FGF12: variants seen among roughly 807,000 people sequenced by gnomAD.
FGF12 encodes the protein fibroblast growth factor 12B.
Under a neutral mutation model 23.6 loss-of-function variants are expected in FGF12, and 14 were observed. The observed-to-expected ratio is 0.59, with a 90% confidence interval of 0.39 to 0.93. FGF12 has a LOEUF of 0.93. FGF12 is among the 40% of genes least tolerant of loss of function. The pLI is 0.00. For synonymous variants in FGF12, 62 were observed against 77.3 expected (o/e 0.80, Z 1.04); for missense variants, 175 against 217.8 (o/e 0.80, Z 1.24).
intron 2 of FGF12, among the ~76,000 whole-genome samples, chr3:192,370,163 A>T (rs1391464420): frequency 6.6e-6 from 1 of 152,146 alleles, no homozygotes; most frequent in Non-Finnish European, 1.5e-5. Flanking sequence ...ACACTTGAGG[A>T]TCTTTAAGCA....
rs1214405597 is a variant in FGF12, at chr3:192,409,801, CG to C, written c.14-49264del. ...CAACCCGGGCGCTTGGGGCCGGAGG[CG>C]GAATCAGGGGCCGGGGCCAGGAGGC... On this transcript the variant is annotated intron_variant, in intron 2 of 5. Transcript: ENST00000445105. The surrounding 1 kb of genome is among the most constrained non-coding windows in gnomAD (Gnocchi z 4.8). Among the ~76,000 whole-genome samples, 1 of 152,018 alleles carries C rather than the reference CG, an allele frequency of 6.6e-6. No individual in the cohort carries two copies. Among genetic ancestry groups the C allele is most frequent in the Non-Finnish European group, 1.5e-5 (1 of 67,968 alleles).
chr3:192,376,981 T>A (rs979754732), intron 2 of FGF12, among the ~76,000 whole-genome samples: 1 of 152,166 alleles, frequency 6.6e-6, no homozygotes, highest in Admixed American at 6.5e-5. Context: ...TTTCACGGAT[T>A]TCCCCAGCTA....
chr3:192,663,327 C>T (rs1337585892), intron 2 of FGF12, among the ~76,000 whole-genome samples: 2 of 152,190 alleles, frequency 1.3e-5, no homozygotes, highest in South Asian at 2.1e-4. Context: ...CAATAGTACT[C>T]TCTTCGCAGA....
At chr3:192,602,619 G>T (rs946322153) in intron 2 of FGF12, among the ~76,000 whole-genome samples, 1 of 151,664 alleles carries the variant, frequency 6.6e-6, no homozygotes, top group Non-Finnish European at 1.5e-5. Flanking sequence ...AGTTTCAATA[G>T]ATACTTGTTA....
chr3:192,307,116 C>G (rs767511437), intron 4 of FGF12, among the ~76,000 whole-genome samples: 4 of 152,076 alleles, frequency 2.6e-5, no homozygotes, highest in African/African-American at 4.8e-5. Context: ...ACAGCACTTA[C>G]CATATCTTAG....
At chr3:192,659,737 G>A (rs1370155255) in intron 2 of FGF12, among the ~76,000 whole-genome samples, 1 of 152,084 alleles carries the variant, frequency 6.6e-6, no homozygotes, top group East Asian at 1.9e-4. Flanking sequence ...CTTCCACAAT[G>A]GTTGAACTAG....
chr3:192,562,737 CTT>C (rs34822834), intron 2 of FGF12, among the ~76,000 whole-genome samples: 43 of 141,844 alleles, frequency 3.0e-4, no homozygotes, highest in Non-Finnish European at 2.9e-4. Context: ...ACCTCTGAGA[CTT>C]TTTTTTTTTT....
At chr3:192,227,217 C>T (rs1325058883) in intron 4 of FGF12, among the ~76,000 whole-genome samples, 1 of 152,154 alleles carries the variant, frequency 6.6e-6, no homozygotes, top group Non-Finnish European at 1.5e-5. Flanking sequence ...AGTCTTACTA[C>T]TCTGTTTCCT....
Position 192,628,442 on chromosome 3 carries a change from TACACACACACACACACAC to T in FGF12, c.13+98721_13+98738del, listed in dbSNP as rs60991895. On this transcript the variant is annotated intron_variant, in intron 2 of 5. Coordinates refer to ENST00000445105, the MANE Select transcript of FGF12 (RefSeq NM_004113.6). ...CAATTTTTCATTCCAACCAAAGGAATACACACACACACACACACACACACACACACACACACACACACA... is the reference window on the plus strand; with the variant it reads ...CAATTTTTCATTCCAACCAAAGGAATACACACACACACACACACACACACA... Among the ~76,000 whole-genome samples, 66 of 135,010 alleles carry T rather than the reference TACACACACACACACACAC, an allele frequency of 4.9e-4. 1 individual carries two copies. The highest frequency in any genetic ancestry group is 1.4e-3 in the African/African-American group (49 of 35,452). The allele number at this position is 135,010 out of a possible 152,430, so 88.6% of individuals were successfully genotyped here. A position where few individuals can be genotyped will look rare whatever the true frequency, so the allele number is the denominator to read the frequency against.
At chr3:192,147,107 T>G (rs1018903254) in intron 5 of FGF12, among the ~76,000 whole-genome samples, 3 of 152,066 alleles carry the variant, frequency 2.0e-5, no homozygotes, top group Non-Finnish European at 4.4e-5. Flanking sequence ...TTAACCAAAA[T>G]AAAAAGATGT....
intron 4 of FGF12, among the ~76,000 whole-genome samples, chr3:192,220,138 C>A (rs912829355): frequency 6.6e-6 from 1 of 152,126 alleles, no homozygotes; most frequent in African/African-American, 2.4e-5. Flanking sequence ...CCTACTCACT[C>A]CAGTTCCTCA....
At chr3:192,712,389 A>G in intron 2 of FGF12, among the ~76,000 whole-genome samples, 1 of 151,368 alleles carries the variant, frequency 6.6e-6, no homozygotes, top group East Asian at 1.9e-4. Flanking sequence ...ATTAAAGAAG[A>G]GTTTCCACAG....
chr3:192,322,872 T>G (rs1311168931), intron 4 of FGF12, among the ~76,000 whole-genome samples: 1 of 152,174 alleles, frequency 6.6e-6, no homozygotes, highest in Non-Finnish European at 1.5e-5. Flanking sequence ...GACTTAAATC[T>G]AAGACCTCAA....
intron 4 of FGF12, among the ~76,000 whole-genome samples, chr3:192,194,442 A>C (rs752512725): frequency 2.0e-5 from 3 of 152,200 alleles, no homozygotes; most frequent in Non-Finnish European, 4.4e-5. Context: ...TGTGGCTTAG[A>C]GTCTAATTGA....
chr3:192,385,681 C>T (rs907058902), intron 2 of FGF12, among the ~76,000 whole-genome samples: 3 of 152,140 alleles, frequency 2.0e-5, no homozygotes, highest in African/African-American at 7.2e-5. Context: ...GCAACATCCA[C>T]CTCCGTCTAA....
intron 2 of FGF12, among the ~76,000 whole-genome samples, chr3:192,401,806 A>G (rs539682497): frequency 6.6e-6 from 1 of 152,040 alleles, no homozygotes; most frequent in Non-Finnish European, 1.5e-5. Context: ...CTATACTTCA[A>G]TTTCTTCAGA....
intron 2 of FGF12, among the ~76,000 whole-genome samples, chr3:192,684,445 AG>A (rs1333210425): frequency 6.6e-6 from 1 of 152,144 alleles, no homozygotes; most frequent in African/African-American, 2.4e-5. Flanking sequence ...ATTTGGAAAA[AG>A]GTCAAGCAGC....
chr3:192,569,032 A>G (rs955882201), intron 2 of FGF12, among the ~76,000 whole-genome samples: 4 of 152,340 alleles, frequency 2.6e-5, no homozygotes, highest in East Asian at 1.9e-4. Flanking sequence ...AAAACAGTAC[A>G]TGCGGAATAA....
chr3:192,525,370 C>A (rs984165066), intron 2 of FGF12, among the ~76,000 whole-genome samples: 6 of 152,170 alleles, frequency 3.9e-5, no homozygotes, highest in Admixed American at 2.6e-4. Context: ...TGAGCAACTA[C>A]ATCTAACTAT....
Sources: gnomAD v4.1 joint callset for allele counts (sites outside exome capture counted in the v4.1 genomes callset) on GRCh38, gnomAD v4.1.1 for gene constraint, Gnocchi (gnomAD v3.1) non-coding constraint, MANE v1.5 for transcripts, NCBI Gene and HGNC (gene_info 2026-07-23, HGNC 2026-07-21) for gene names.